The following OSBPL2 variants were observed in gnomAD, a reference collection of about 807,000 sequenced individuals.
OSBPL2 encodes oxysterol-binding protein-related protein 2.
A neutral mutation model predicts 58.4 loss-of-function variants in OSBPL2; 18 were observed. That is an observed-to-expected ratio of 0.31 (90% CI 0.21 to 0.46). The LOEUF is 0.46. Among genes scored for constraint, OSBPL2 ranks in the 20% least tolerant of loss-of-function variants. The pLI, the probability that OSBPL2 is intolerant of heterozygous loss-of-function variation, is 1.00. For missense variants in OSBPL2, 461 were observed against 616.5 expected (o/e 0.75, Z 2.67); for synonymous variants, 221 against 234.1 (o/e 0.94, Z 0.51).
intron 3 of OSBPL2, among the ~76,000 whole-genome samples, chr20:62,261,618 A>G (rs1981316321): frequency 1.3e-5 from 2 of 150,348 alleles, no homozygotes; most frequent in Admixed American, 1.3e-4. Context: ...TCTAGCCCTG[A>G]CTCTGTGGTC....
At chr20:62,249,090 G>C (rs987091306) in intron 1 of OSBPL2, among the ~76,000 whole-genome samples, 6 of 152,136 alleles carry the variant, frequency 3.9e-5, no homozygotes, top group African/African-American at 1.4e-4. Flanking sequence ...GGTGGGACGG[G>C]GACAGCACCT....
At chr20:62,240,961 T>G (rs767549143) in intron 1 of OSBPL2, among the ~76,000 whole-genome samples, 1 of 152,222 alleles carries the variant, frequency 6.6e-6, no homozygotes, top group Non-Finnish European at 1.5e-5. Context: ...GTCTCCGTTC[T>G]GAGTTCAGTT....
At chr20:62,272,047 G>C in intron 4 of OSBPL2, 78 bp from the exon 5 acceptor site, 1 of 1,549,532 alleles carries the variant, frequency 6.5e-7, no homozygotes, top group Non-Finnish European at 8.8e-7. Context: ...ATGAAGGGAT[G>C]CTCAGAGCAG....
chr20:62,247,512 C>T (rs182503873), intron 1 of OSBPL2, among the ~76,000 whole-genome samples: 152 of 152,266 alleles, frequency 1.0e-3, no homozygotes, highest in Non-Finnish European at 1.1e-3. Flanking sequence ...GTGATCCCTA[C>T]GGGAATGAGT....
intron 3 of OSBPL2, among the ~76,000 whole-genome samples, chr20:62,261,044 G>A (rs918948817): frequency 2.6e-5 from 4 of 152,056 alleles, no homozygotes; most frequent in African/African-American, 4.8e-5. Context: ...CGAGCCAGGC[G>A]CAGTGGCTCA....
In OSBPL2 at chr20:62,290,722, G is replaced by GT. The variant is rs1285832751; in HGVS notation, c.1250-970dup. Among the ~76,000 whole-genome samples the GT allele has an allele frequency of 2.7e-3, 378 of 138,678 alleles. 1 individual carries two copies. The highest frequency in any genetic ancestry group is 7.5e-3 in the African/African-American group (283 of 37,542). The allele number at this position is 138,678 out of a possible 152,430, so 91.0% of individuals were successfully genotyped here. A position where few individuals can be genotyped will look rare whatever the true frequency, so the allele number is the denominator to read the frequency against. On this transcript the variant is annotated intron_variant, in intron 12 of 13. Coordinates refer to ENST00000313733, the MANE Select transcript of OSBPL2 (RefSeq NM_144498.4). ...GGCATGAACCACTGTGCCTGGCCAG[G>GT]TTTTTTTTTTTGTTTTTTTTGTTTT...
At chr20:62,251,208 A>G (rs936900253) in intron 1 of OSBPL2, among the ~76,000 whole-genome samples, 5 of 149,858 alleles carry the variant, frequency 3.3e-5, no homozygotes, top group Non-Finnish European at 5.9e-5. Flanking sequence ...TGCGCCGGCC[A>G]CCACGCCCGG....
At chr20:62,279,374 C>G in intron 7 of OSBPL2, 35 bp downstream of exon 7, 1 of 1,597,490 alleles carries the variant, frequency 6.3e-7, no homozygotes, top group Non-Finnish European at 8.6e-7. Context: ...GATCCGCTTC[C>G]TGCAGAAACT....
chr20:62,247,858 T>TTTCACC (rs1980238794), intron 1 of OSBPL2, among the ~76,000 whole-genome samples: 1 of 151,796 alleles, frequency 6.6e-6, no homozygotes, highest in Non-Finnish European at 1.5e-5. Context: ...AGAGATGGAG[T>TTTCACC]TTCACCATAT....
intron 1 of OSBPL2, among the ~76,000 whole-genome samples, chr20:62,241,077 G>T (rs1312574324): frequency 6.6e-6 from 1 of 152,180 alleles, no homozygotes; most frequent in Non-Finnish European, 1.5e-5. Context: ...ACATGTTAAT[G>T]AGAGGTGCTG....
chr20:62,244,314 G>C (rs568320449), intron 1 of OSBPL2, among the ~76,000 whole-genome samples: 1 of 152,350 alleles, frequency 6.6e-6, no homozygotes, highest in African/African-American at 2.4e-5. Context: ...TCTAGCTGCA[G>C]CCGCAGGCTG....
intron 4 of OSBPL2, among the ~76,000 whole-genome samples, chr20:62,263,941 T>A (rs1458657285): frequency 4.6e-5 from 7 of 151,686 alleles, no homozygotes; most frequent in Non-Finnish European, 8.8e-5. Context: ...GGAGGGCGCC[T>A]GTAGTCCCAG....
intron 11 of OSBPL2, among the ~76,000 whole-genome samples, chr20:62,287,006 C>T (rs1319086844): frequency 2.0e-5 from 3 of 152,236 alleles, no homozygotes; most frequent in African/African-American, 7.2e-5. Flanking sequence ...GTCAGAGCTG[C>T]CCGCCGGGCA....
intron 4 of OSBPL2, among the ~76,000 whole-genome samples, chr20:62,266,555 G>C (rs528070398): frequency 6.6e-6 from 1 of 150,556 alleles, no homozygotes; most frequent in African/African-American, 2.4e-5. Flanking sequence ...GCTGTGGCTC[G>C]TTCTGGATCC....
At chr20:62,273,226 C>A in intron 5 of OSBPL2, 83 bp from the exon 6 acceptor site, 2 of 1,040,936 alleles carry the variant, frequency 1.9e-6, no homozygotes, top group Non-Finnish European at 2.9e-6. Flanking sequence ...AACCAGGTGC[C>A]CACCGCCCTC....
Position 62,291,691 on chromosome 20 carries a change from C to T in OSBPL2, c.1250-12C>T, listed in dbSNP as rs894888646. The T allele has an allele frequency of 4.3e-6, 7 of 1,613,110 alleles. No homozygotes were observed. Among genetic ancestry groups the T allele is most frequent in the Non-Finnish European group, 5.9e-6 (7 of 1,179,520 alleles). On this transcript the variant is annotated splice_polypyrimidine_tract_variant and intron_variant, in intron 12 of 13. Transcript: ENST00000313733. ...GTCTCTGTCTGACCTAAACTGTTTG[C>T]TTGGATCCTAGATCTGGCCAGCCAG...
At chr20:62,239,121 A>T (rs1979544584) in intron 1 of OSBPL2, 1 of 152,058 alleles carries the variant, frequency 6.6e-6, no homozygotes, top group Non-Finnish European at 1.5e-5. Context: ...TCCCACTCCG[A>T]CCCTGGCCTT....
chr20:62,279,345 T>C lies in OSBPL2; in HGVS notation c.674+6T>C. ...ATCACCCTGGAGCTGCTCAAGTGAG[T>C]GTCGGTGCGTCCTGCTGAGATCCGC... On this transcript the variant is annotated splice_donor_region_variant and intron_variant, in intron 7 of 13. Coordinates refer to ENST00000313733, the MANE Select transcript of OSBPL2 (RefSeq NM_144498.4). The C allele has an allele frequency of 6.2e-7, 1 of 1,613,828 alleles. No individual in the cohort carries two copies. The highest frequency in any genetic ancestry group is 8.5e-7 in the Non-Finnish European group (1 of 1,179,848).
At chr20:62,242,416 G>A (rs1979792962) in intron 1 of OSBPL2, 1 of 152,248 alleles carries the variant, frequency 6.6e-6, no homozygotes, top group Non-Finnish European at 1.5e-5. Context: ...TGACCTCTGA[G>A]TTGAGCTGAG....
Sources: allele counts gnomAD v4.1 joint callset (sites outside exome capture counted in the v4.1 genomes callset), GRCh38; gene constraint gnomAD v4.1.1; transcripts MANE v1.5; gene names NCBI Gene and HGNC (gene_info 2026-07-23, HGNC 2026-07-21).